The following MYO1E variants were observed in gnomAD, a reference collection of about 807,000 sequenced individuals.
The protein encoded by MYO1E is myosin IE, also known as unconventional myosin-Ie.
In MYO1E, 68 loss-of-function variants were observed where a neutral mutation model predicts 151.1. That is an observed-to-expected ratio of 0.45 (90% confidence interval 0.37 to 0.55). MYO1E has a LOEUF of 0.55. Among genes scored for constraint, MYO1E ranks in the 20% least tolerant of loss-of-function variants. The probability of loss-of-function intolerance (pLI) is 0.00; values close to 1 mark genes in which losing one functional copy is unlikely to be tolerated. For missense variants in MYO1E, 1,363 were observed against 1,389.3 expected, an observed-to-expected ratio of 0.98 and a Z score of 0.30; for synonymous variants, 601 against 501.7, an observed-to-expected ratio of 1.20 and a Z score of -2.64.
intron 12 of MYO1E, 25 bp from the exon 13 acceptor site, chr15:59,210,625 A>C: frequency 6.7e-6 from 10 of 1,498,964 alleles, no homozygotes; most frequent in Non-Finnish European, 9.3e-6. Flanking sequence ...CAAGGAACTC[A>C]CATTATTTCC....
intron 15 of MYO1E, among the ~76,000 whole-genome samples, chr15:59,203,384 CTT>C (rs71119440): frequency 8.3e-5 from 12 of 144,394 alleles, no homozygotes; most frequent in Admixed American, 1.4e-4. Flanking sequence ...AATATACTTT[CTT>C]TTTTTTTTTT....
At position 59,195,569 on chromosome 15, in the gene MYO1E, T is replaced by C; in HGVS notation, c.1699-2A>G. 1 of 1,610,084 alleles carries C rather than the reference T, an allele frequency of 6.2e-7. No individual in the cohort carries two copies. The highest frequency in any genetic ancestry group is 8.5e-7 in the Non-Finnish European group (1 of 1,176,256). ...GCTCACAAGGTCATTGGCTTGTTTCTAGAAAGGAAGAACAGTATCAGAATC... is the reference window on the plus strand; with the variant it reads ...GCTCACAAGGTCATTGGCTTGTTTCCAGAAAGGAAGAACAGTATCAGAATC... On this transcript the variant is annotated splice_acceptor_variant, in intron 16 of 27. Coordinates refer to ENST00000288235, the MANE Select transcript of MYO1E (RefSeq NM_004998.4). LOFTEE classifies it high-confidence loss of function.
intron 1 of MYO1E, among the ~76,000 whole-genome samples, chr15:59,290,880 A>G (rs765618209): frequency 2.0e-4 from 31 of 152,346 alleles, no homozygotes; most frequent in Non-Finnish European, 4.3e-4. Flanking sequence ...AGGTGCTGAG[A>G]TAAACACACA....
intron 16 of MYO1E, among the ~76,000 whole-genome samples, chr15:59,199,699 G>A (rs1307970925): frequency 2.0e-5 from 3 of 152,042 alleles, no homozygotes; most frequent in Non-Finnish European, 4.4e-5. Flanking sequence ...TAAATAATTA[G>A]AATATAATGA....
intron 9 of MYO1E, among the ~76,000 whole-genome samples, chr15:59,221,609 C>G (rs758590350): frequency 1.3e-5 from 2 of 152,180 alleles, no homozygotes; most frequent in Non-Finnish European, 2.9e-5. Context: ...ATTTCCTGGA[C>G]CTCTCTGGCT....
rs1414337943 is a variant in MYO1E at position 59,227,567 on chromosome 15, G to A, written c.534C>T (p.Phe178=). 1.9e-6 allele frequency: 3 copies of A among 1,614,178 alleles called. No homozygotes were observed. The Admixed American group carries it at 5.0e-5, about 27-fold the overall frequency. The change falls in exon 7 of 28, where the codon TTC becomes TTT. Residue 178 remains phenylalanine, a synonymous_variant. Transcript: ENST00000288235. Reference sequence around the variant, plus strand: ...CACCATCTGGTTCCCCACCTGGACTGAACTGGATTTCAAAGTATTTTCCCT... The same window carrying A: ...CACCATCTGGTTCCCCACCTGGACTAAACTGGATTTCAAAGTATTTTCCCT... ...SRFGKYFEIQ[F]SPGGEPDGGK...
intron 18 of MYO1E, among the ~76,000 whole-genome samples, chr15:59,184,968 G>T (rs1167385301): frequency 1.3e-5 from 2 of 152,004 alleles, no homozygotes; most frequent in Admixed American, 1.3e-4. Flanking sequence ...CTGTCTTTTG[G>T]GTAAAAGCCA....
chr15:59,200,563 T>C (rs2079794822), intron 16 of MYO1E, among the ~76,000 whole-genome samples: 1 of 151,944 alleles, frequency 6.6e-6, no homozygotes, highest in African/African-American at 2.4e-5. Flanking sequence ...CTGAGGTGGA[T>C]CGCTTGAGCC....
At chr15:59,370,253 A>C (rs1395560994) in intron 1 of MYO1E, among the ~76,000 whole-genome samples, 1 of 152,260 alleles carries the variant, frequency 6.6e-6, no homozygotes, top group African/African-American at 2.4e-5. Context: ...CACAAAATGA[A>C]GTATCATTTG....
chr15:59,256,453 G>T lies in MYO1E; in HGVS notation c.238-75C>A, dbSNP rs2080194547. The T allele has an allele frequency of 3.8e-6, 3 of 783,672 alleles. No individual in the cohort carries two copies. The Admixed American group carries it at 8.1e-5, about 21-fold the overall frequency. The allele number at this position is 783,672 out of a possible 1,614,324, so 48.5% of individuals were successfully genotyped here. On this transcript the variant is annotated intron_variant, in intron 3 of 27. Transcript: ENST00000288235. ...ATAAAAACAAAATCATGGTCAGATA[G>T]GCAATACACTCAATTTCTTTTCCTG...
At chr15:59,180,095 G>A (rs1437683047) in intron 18 of MYO1E, among the ~76,000 whole-genome samples, 4 of 152,172 alleles carry the variant, frequency 2.6e-5, no homozygotes, top group African/African-American at 7.2e-5. Context: ...CCTCTCAAAT[G>A]TCTGCATCTT....
intron 26 of MYO1E, among the ~76,000 whole-genome samples, chr15:59,149,897 A>G (rs2079466202): frequency 6.6e-6 from 1 of 152,224 alleles, no homozygotes; most frequent in African/African-American, 2.4e-5. Flanking sequence ...TTGGGATCCT[A>G]AAATTCCCTG....
intron 5 of MYO1E, among the ~76,000 whole-genome samples, chr15:59,234,567 C>T (rs1464307554): frequency 1.3e-5 from 2 of 152,112 alleles, no homozygotes; most frequent in African/African-American, 4.8e-5. Flanking sequence ...TGCCTGTAAT[C>T]CCAGCTCTTT....
intron 26 of MYO1E, among the ~76,000 whole-genome samples, chr15:59,146,886 C>T (rs1295214449): frequency 6.6e-6 from 1 of 151,918 alleles, no homozygotes; most frequent in Admixed American, 6.6e-5. Context: ...TGTCTATTAC[C>T]AATTAACATA....
rs994530634 is a variant in MYO1E at position 59,246,337 on chromosome 15, C to T, written c.333-9665G>A. On this transcript the variant is annotated intron_variant, in intron 4 of 27. Transcript: ENST00000288235. Reference sequence around the variant, plus strand: ...TTCACCATGTTGGCCAGGCTGGTCTCGAACTCCTGACCTCAGGTGATCTGC... The same window carrying T: ...TTCACCATGTTGGCCAGGCTGGTCTTGAACTCCTGACCTCAGGTGATCTGC... 1.1e-3 allele frequency among the ~76,000 whole-genome samples: 173 copies of T among 152,202 alleles called. 1 individual carries two copies. Among genetic ancestry groups the T allele is most frequent in the African/African-American group, 3.6e-3 (151 of 41,524 alleles).
intron 16 of MYO1E, among the ~76,000 whole-genome samples, chr15:59,197,864 C>T (rs75707450): frequency 0.016 from 2,408 of 152,262 alleles, 75 homozygotes; most frequent in East Asian, 0.036. Context: ...ACTTTATTTA[C>T]CTATTTTTAA....
In MYO1E at chr15:59,257,720, T is replaced by C. The variant is rs1180688747; in HGVS notation, c.238-1342A>G. Among the ~76,000 whole-genome samples, 5 of 152,004 alleles carry C rather than the reference T, an allele frequency of 3.3e-5. No individual in the cohort carries two copies. In the East Asian group the frequency reaches 7.7e-4, roughly 23 times the overall value. Reference sequence around the variant, plus strand: ...TCCCATGCTGTAGGCAGGGGGCTCATAGGGGGAGCTACCCAGTGAGGGCTG... The same window carrying C: ...TCCCATGCTGTAGGCAGGGGGCTCACAGGGGGAGCTACCCAGTGAGGGCTG... On this transcript the variant is annotated intron_variant, in intron 3 of 27. Coordinates refer to ENST00000288235, the MANE Select transcript of MYO1E (RefSeq NM_004998.4).
chr15:59,256,732 T>C (rs1309261300), intron 3 of MYO1E, among the ~76,000 whole-genome samples: 1 of 152,166 alleles, frequency 6.6e-6, no homozygotes, highest in Non-Finnish European at 1.5e-5. Context: ...CATTTCTAAA[T>C]GTTTCTGTAG....
intron 1 of MYO1E, among the ~76,000 whole-genome samples, chr15:59,354,382 A>C (rs564752613): frequency 2.4e-4 from 37 of 152,302 alleles, no homozygotes; most frequent in Non-Finnish European, 4.4e-4. Context: ...ACATTCTGAA[A>C]GTCCGTATCA....
Sources: allele counts gnomAD v4.1 joint callset (sites outside exome capture counted in the v4.1 genomes callset), GRCh38; gene constraint gnomAD v4.1.1; transcripts MANE v1.5; gene names NCBI Gene and HGNC (gene_info 2026-07-23, HGNC 2026-07-21).